PLCL2: variants seen among roughly 807,000 people sequenced by gnomAD.
PLCL2 encodes the protein phospholipase C like 2, also known as inactive phospholipase C-like protein 2.
In PLCL2, 4 loss-of-function variants were observed where a neutral mutation model predicts 79.6. The observed-to-expected ratio is 0.05, with a 90% CI of 0.02 to 0.11. The LOEUF (loss-of-function observed/expected upper bound fraction) is 0.11, where lower values mean the gene tolerates loss of function less well. PLCL2 is among the 10% of genes least tolerant of loss of function. The pLI, the probability that PLCL2 is intolerant of heterozygous loss-of-function variation, is 1.00. For synonymous variants in PLCL2, 484 were observed against 457.7 expected (o/e 1.06, Z -0.73); for missense variants, 895 against 1,291.0 (o/e 0.69, Z 4.70).
rs115304539 is a variant in PLCL2, at chr3:17,007,416, A to G, written c.328-2258A>G. Among the ~76,000 whole-genome samples, 352 of 152,352 alleles carry G rather than the reference A, an allele frequency of 2.3e-3. 2 individuals carry two copies. The highest frequency in any genetic ancestry group is 8.1e-3 in the African/African-American group (336 of 41,598). On this transcript the variant is annotated intron_variant, in intron 1 of 5. Coordinates refer to ENST00000615277, the MANE Select transcript of PLCL2 (RefSeq NM_001144382.2). ...CACTCAAATTGATGTAATACAATCT[A>G]TGCTTTAGGGATTTGAAATGGCTTT...
chr3:17,005,053 C>T (rs1300632711), intron 1 of PLCL2, among the ~76,000 whole-genome samples: 2 of 151,942 alleles, frequency 1.3e-5, no homozygotes, highest in Non-Finnish European at 2.9e-5. Context: ...GACTGTTTTG[C>T]CAGGGTATTG....
chr3:16,884,976 A>T lies in PLCL2; in HGVS notation c.-64A>T. 5.9e-6 allele frequency: 1 copy of T among 170,616 alleles called. No homozygotes were observed. The highest frequency in any genetic ancestry group is 1.2e-5 in the Non-Finnish European group (1 of 82,860). 10.6% of individuals were successfully genotyped at this position (170,616 alleles called of 1,614,324 possible). ...AGGAGGGGCCGCGCGCGGCGGCCCG[A>T]GGCGGCGGCGGGGACGCGGGGACGC... is the stretch of plus-strand genomic sequence containing the variant. On this transcript the variant is annotated 5_prime_UTR_variant, in exon 1 of 6. Coordinates refer to ENST00000615277, the MANE Select transcript of PLCL2 (RefSeq NM_001144382.2). This position sits in a 1 kb window ranked among gnomAD's most constrained non-coding sequence, Gnocchi z 9.3.
intron 1 of PLCL2, among the ~76,000 whole-genome samples, chr3:17,001,926 G>T (rs1227532791): frequency 1.3e-5 from 2 of 151,688 alleles, no homozygotes; most frequent in Non-Finnish European, 2.9e-5. Flanking sequence ...TAAATTGATA[G>T]ATCATTTTGG....
rs1207802673 is a variant in PLCL2 at position 17,009,650 on chromosome 3, T to C, written c.328-24T>C. 1 of 1,253,474 alleles carries C rather than the reference T, an allele frequency of 8.0e-7. No homozygotes were observed. 77.6% of individuals were successfully genotyped at this position (1,253,474 alleles called of 1,614,324 possible). A position where few individuals can be genotyped will look rare whatever the true frequency, so the allele number is the denominator to read the frequency against. ...GAAACCTATATTTATGTTATTCTAA[T>C]ATACGGTCTTTTTTTCCTCTCAGGA... is the stretch of plus-strand genomic sequence containing the variant. On this transcript the variant is annotated intron_variant, in intron 1 of 5. Transcript: ENST00000615277. This position sits in a 1 kb window ranked among gnomAD's most constrained non-coding sequence, Gnocchi z 4.0.
At chr3:16,993,302 A>G (rs546906154) in intron 1 of PLCL2, among the ~76,000 whole-genome samples, 1 of 152,272 alleles carries the variant, frequency 6.6e-6, no homozygotes, top group Admixed American at 6.5e-5. Context: ...TACCTTGGGT[A>G]ATATAGTTCA....
At chr3:17,006,725 C>T (rs1027187141) in intron 1 of PLCL2, among the ~76,000 whole-genome samples, 1 of 152,130 alleles carries the variant, frequency 6.6e-6, no homozygotes, top group Admixed American at 6.5e-5. Flanking sequence ...AATTGATAAC[C>T]AGAAGTCTCC....
chr3:17,038,510 T>G (rs1005251753), intron 3 of PLCL2, among the ~76,000 whole-genome samples: 1 of 152,186 alleles, frequency 6.6e-6, no homozygotes, highest in Non-Finnish European at 1.5e-5. Context: ...ATAAAGTAGT[T>G]TTTTCCTTTG....
chr3:16,903,175 A>G (rs1458565751), intron 1 of PLCL2, among the ~76,000 whole-genome samples: 5 of 152,212 alleles, frequency 3.3e-5, no homozygotes, highest in Admixed American at 6.5e-5. Context: ...TTTAATTTCA[A>G]CTGTGATCAT....
At chr3:17,051,797 T>C (rs1343922381) in intron 4 of PLCL2, among the ~76,000 whole-genome samples, 1 of 152,164 alleles carries the variant, frequency 6.6e-6, no homozygotes, top group Non-Finnish European at 1.5e-5. Flanking sequence ...TCATGATGCT[T>C]TGTTCCTGAA....
At chr3:16,929,895 T>A (rs1419203686) in intron 1 of PLCL2, among the ~76,000 whole-genome samples, 8 of 152,220 alleles carry the variant, frequency 5.3e-5, no homozygotes, top group Non-Finnish European at 1.0e-4. Context: ...GCTTTGTTTA[T>A]AGACTTCTCC....
intron 3 of PLCL2, among the ~76,000 whole-genome samples, chr3:17,037,525 T>C (rs1237412377): frequency 6.6e-6 from 1 of 152,232 alleles, no homozygotes; most frequent in African/African-American, 2.4e-5. Context: ...TCTCAGACTT[T>C]GTAACTTCAT....
intron 1 of PLCL2, among the ~76,000 whole-genome samples, chr3:16,938,657 A>G (rs1697602322): frequency 6.6e-6 from 1 of 152,234 alleles, no homozygotes; most frequent in Non-Finnish European, 1.5e-5. Flanking sequence ...GAGAAGCAGT[A>G]TGATAGGATG....
chr3:17,087,177 A>C (rs1487766065), intron 5 of PLCL2, among the ~76,000 whole-genome samples: 2 of 152,224 alleles, frequency 1.3e-5, no homozygotes, highest in African/African-American at 4.8e-5. Context: ...ATGAATTGGA[A>C]ACTTATGTCA....
chr3:16,915,289 C>T (rs1342255773), intron 1 of PLCL2, among the ~76,000 whole-genome samples: 1 of 152,158 alleles, frequency 6.6e-6, no homozygotes, highest in Admixed American at 6.5e-5. Flanking sequence ...TATTTATTCT[C>T]ACCTTGCCTA....
chr3:17,016,943 G>A lies in PLCL2; in HGVS notation c.3018+2032G>A, dbSNP rs531709183. ...ACAGGGACTTCTTGAGGGTGGGGTG[G>A]TAGTACCCCGTGGAGGTGATAACAG... On this transcript the variant is annotated intron_variant, in intron 3 of 5. Coordinates refer to ENST00000615277, the MANE Select transcript of PLCL2 (RefSeq NM_001144382.2). Among the ~76,000 whole-genome samples, 138 of 152,264 alleles carry A rather than the reference G, an allele frequency of 9.1e-4. 1 individual carries two copies. The highest frequency in any genetic ancestry group is 1.2e-3 in the Admixed American group (19 of 15,300).
At chr3:17,018,150 C>T (rs1390918027) in intron 3 of PLCL2, among the ~76,000 whole-genome samples, 1 of 152,110 alleles carries the variant, frequency 6.6e-6, no homozygotes, top group African/African-American at 2.4e-5. Flanking sequence ...ATTAGCAGTG[C>T]TGGAGTCAGA....
intron 1 of PLCL2, among the ~76,000 whole-genome samples, chr3:16,893,740 A>T (rs1014750476): frequency 2.6e-5 from 4 of 152,172 alleles, no homozygotes; most frequent in African/African-American, 7.2e-5. Flanking sequence ...CTTCTAGATT[A>T]AAAAAATAGC....
chr3:16,901,245 A>C (rs1197225930), intron 1 of PLCL2, among the ~76,000 whole-genome samples: 1 of 152,172 alleles, frequency 6.6e-6, no homozygotes, highest in African/African-American at 2.4e-5. Flanking sequence ...TGCTTTCAAG[A>C]GTTACATGGA....
At chr3:16,987,740 T>C (rs2064065113) in intron 1 of PLCL2, among the ~76,000 whole-genome samples, 1 of 152,184 alleles carries the variant, frequency 6.6e-6, no homozygotes, top group East Asian at 1.9e-4. Context: ...TAATGTGATA[T>C]AAATTTTGAT....
Sources: allele counts gnomAD v4.1 joint callset (sites outside exome capture counted in the v4.1 genomes callset), GRCh38; gene constraint gnomAD v4.1.1; non-coding constraint Gnocchi (gnomAD v3.1); transcripts MANE v1.5; gene names NCBI Gene and HGNC (gene_info 2026-07-23, HGNC 2026-07-21).